The following MRPS28 variants were observed in gnomAD, a reference collection of about 807,000 sequenced individuals.
The protein encoded by MRPS28 is small ribosomal subunit protein bS1m.
MRPS28 carries 7 observed loss-of-function variants against 10.8 expected under a neutral mutation model. The ratio of observed to expected loss-of-function variants is 0.65; its 90% confidence interval spans 0.37 to 1.22. The LOEUF is 1.22. MRPS28 is among the 50% of genes most tolerant of loss of function. The probability of loss-of-function intolerance (pLI) is 0.02; values close to 1 mark genes in which losing one functional copy is unlikely to be tolerated. For missense variants in MRPS28, 265 were observed against 232.9 expected (o/e 1.14, Z -0.90); for synonymous variants, 121 against 93.3 (o/e 1.30, Z -1.71).
intron 2 of MRPS28, among the ~76,000 whole-genome samples, chr8:79,997,349 G>A (rs1808527513): frequency 6.6e-6 from 1 of 152,050 alleles, no homozygotes; most frequent in Non-Finnish European, 1.5e-5. Flanking sequence ...CTAATATGGG[G>A]CCAAGGCGTT....
At chr8:79,984,406 T>G (rs909830623) in intron 2 of MRPS28, among the ~76,000 whole-genome samples, 1 of 152,116 alleles carries the variant, frequency 6.6e-6, no homozygotes, top group African/African-American at 2.4e-5. Flanking sequence ...AATGACAGGA[T>G]CAAATTCACA....
intron 2 of MRPS28, 125 bp downstream of exon 2, chr8:80,002,874 G>T: frequency 1.2e-6 from 1 of 806,264 alleles, no homozygotes; most frequent in Non-Finnish European, 1.8e-6. Flanking sequence ...CTTTACTGCA[G>T]CATTATCAAG....
intron 2 of MRPS28, among the ~76,000 whole-genome samples, chr8:79,993,686 T>A (rs572423672): frequency 1.1e-4 from 17 of 152,300 alleles, no homozygotes; most frequent in Non-Finnish European, 1.9e-4. Flanking sequence ...GAAAAACTAG[T>A]AGAATGATTT....
chr8:79,945,057 G>A (rs1019320001), intron 2 of MRPS28, among the ~76,000 whole-genome samples: 14 of 151,820 alleles, frequency 9.2e-5, no homozygotes, highest in African/African-American at 3.4e-4. Context: ...ATTATCAAGA[G>A]GCATTTTAAA....
chr8:79,939,104 T>C (rs1243676218), intron 2 of MRPS28, among the ~76,000 whole-genome samples: 1 of 152,166 alleles, frequency 6.6e-6, no homozygotes, highest in African/African-American at 2.4e-5. Context: ...CTGGGTTTAG[T>C]TACCTCACCC....
At chr8:80,019,188 T>C (rs1338773290) in intron 1 of MRPS28, among the ~76,000 whole-genome samples, 1 of 151,580 alleles carries the variant, frequency 6.6e-6, no homozygotes, top group Admixed American at 6.6e-5. Flanking sequence ...TAAAAATAAC[T>C]AAAAGAGTTT....
chr8:79,957,853 C>G (rs1413558584), intron 2 of MRPS28: 1 of 152,186 alleles, frequency 6.6e-6, no homozygotes, highest in African/African-American at 2.4e-5. Flanking sequence ...GAAGAAGACA[C>G]AAATGTCTTA....
intron 2 of MRPS28, among the ~76,000 whole-genome samples, chr8:79,976,000 A>T (rs960890374): frequency 3.3e-5 from 5 of 152,162 alleles, no homozygotes; most frequent in African/African-American, 1.2e-4. Flanking sequence ...TGGCCCTGAC[A>T]TATGTTTATT....
At position 79,919,156 on chromosome 8, in the gene MRPS28, G is replaced by GT; in HGVS notation, c.396-9dup. On this transcript the variant is annotated splice_polypyrimidine_tract_variant and intron_variant, in intron 2 of 2. Transcript: ENST00000276585. ...GTTCCTTTCTGGTATTTCCTAAATA[G>GT]TTAAAAAAAAAAAAATCCATTAATT... is the stretch of plus-strand genomic sequence containing the variant. 6.5e-7 allele frequency: 1 copy of GT among 1,528,792 alleles called. No homozygotes were observed. Among genetic ancestry groups the GT allele is most frequent in the African/African-American group, 1.4e-5 (1 of 70,128 alleles). 94.7% of individuals were successfully genotyped at this position (1,528,792 alleles called of 1,614,324 possible).
In MRPS28 at chr8:79,930,260, A is replaced by G. The variant is rs74989420; in HGVS notation, c.396-11112T>C. ...ACACAGGTATTTTAGTATATTAATC[A>G]CTTCCCTAGGTAGGCAAGTTCTAAA... On this transcript the variant is annotated intron_variant, in intron 2 of 2. Transcript: ENST00000276585. Among the ~76,000 whole-genome samples, 219 of 152,282 alleles carry G rather than the reference A, an allele frequency of 1.4e-3. 1 individual carries two copies. Among genetic ancestry groups the G allele is most frequent in the African/African-American group, 4.7e-3 (197 of 41,558 alleles).
intron 2 of MRPS28, among the ~76,000 whole-genome samples, chr8:79,963,548 G>A (rs1056125172): frequency 2.0e-5 from 3 of 151,936 alleles, no homozygotes; most frequent in Non-Finnish European, 4.4e-5. Flanking sequence ...TCTCTCATTC[G>A]CAACTTCGAC....
intron 2 of MRPS28, among the ~76,000 whole-genome samples, chr8:79,979,945 T>C (rs1187580680): frequency 2.9e-5 from 1 of 34,356 alleles, no homozygotes; most frequent in Non-Finnish European, 6.8e-5. Context: ...AAAAAAAAAG[T>C]CTCTATCTTT....
At chr8:79,960,187 T>C (rs1807336826) in intron 2 of MRPS28, among the ~76,000 whole-genome samples, 1 of 152,126 alleles carries the variant, frequency 6.6e-6, no homozygotes, top group Non-Finnish European at 1.5e-5. Flanking sequence ...ATAGGAAAGC[T>C]AGATGGGAAA....
At chr8:79,938,667 A>C (rs1806675679) in intron 2 of MRPS28, among the ~76,000 whole-genome samples, 1 of 152,170 alleles carries the variant, frequency 6.6e-6, no homozygotes, top group Admixed American at 6.5e-5. Context: ...CTGTTTAGAC[A>C]AGGTTAGAGC....
intron 2 of MRPS28, among the ~76,000 whole-genome samples, chr8:79,938,232 G>C (rs973663028): frequency 2.0e-5 from 3 of 151,582 alleles, no homozygotes; most frequent in African/African-American, 7.3e-5. Context: ...ACATAGGTGG[G>C]GGGGGGCATG....
Position 80,003,129 on chromosome 8 carries a change from G to A in MRPS28, c.265C>T (p.Leu89Phe), listed in dbSNP as rs115541997. ...SFASMLRHSP[L>F]TQMGPAKDKL... The stretch of plus-strand genomic sequence containing the variant: ...TCCTTTGCAGGTCCCATCTGTGTAA[G>A]AGGAGAATGTCTCAGCATAGATGCA... Residue 89 changes from leucine to phenylalanine, a missense_variant, in exon 2 of 3, where the codon CTT (leucine) becomes TTT (phenylalanine). Coordinates refer to ENST00000276585, the MANE Select transcript of MRPS28 (RefSeq NM_014018.3). 2.9e-3 allele frequency: 4,659 copies of A among 1,610,154 alleles called. 110 individuals are homozygous for A. The African/African-American group carries it at 0.052, about 18-fold the overall frequency.
chr8:79,925,371 G>C (rs946211610), intron 2 of MRPS28, among the ~76,000 whole-genome samples: 1 of 152,044 alleles, frequency 6.6e-6, no homozygotes, highest in African/African-American at 2.4e-5. Flanking sequence ...AAAAGAGACT[G>C]TTCATATACC....
intron 1 of MRPS28, among the ~76,000 whole-genome samples, chr8:80,006,826 G>C (rs1051754448): frequency 1.3e-5 from 2 of 152,174 alleles, no homozygotes; most frequent in Non-Finnish European, 1.5e-5. Flanking sequence ...ATTCACAGCT[G>C]AATTCTACCA....
chr8:79,972,492 T>G (rs527618520), intron 2 of MRPS28, among the ~76,000 whole-genome samples: 3 of 152,360 alleles, frequency 2.0e-5, no homozygotes, highest in Admixed American at 6.5e-5. Flanking sequence ...TTCATTTCTC[T>G]TAGGTATATA....
Sources: gnomAD v4.1 joint callset for allele counts (sites outside exome capture counted in the v4.1 genomes callset) on GRCh38, gnomAD v4.1.1 for gene constraint, MANE v1.5 for transcripts, NCBI Gene and HGNC (gene_info 2026-07-23, HGNC 2026-07-21) for gene names.